Variants in DYNAP observed in about 807,000 individuals in gnomAD.
DYNAP encodes dynactin associated protein, also known as dynactin-associated protein.
In DYNAP, 7 loss-of-function variants were observed where a neutral mutation model predicts 8.5. The ratio of observed to expected loss-of-function variants is 0.82; its 90% CI spans 0.47 to 1.54. The LOEUF (loss-of-function observed/expected upper bound fraction) is 1.54. DYNAP is among the 40% of genes most tolerant of loss of function. DYNAP has a pLI of 0.01. For synonymous variants in DYNAP, 77 were observed against 77.9 expected (o/e 0.99, Z 0.06); for missense variants, 256 against 224.3 (o/e 1.14, Z -0.90).
chr18:54,588,277 C>T (rs1910951496), upstream of DYNAP, among the ~76,000 whole-genome samples: 1 of 150,836 alleles, frequency 6.6e-6, no homozygotes, highest in Admixed American at 6.6e-5. Context: ...CAGATCTCGG[C>T]TCACTGCAAC....
Position 54,591,327 on chromosome 18 carries a change from T to C in DYNAP, c.45T>C (p.Ser15=). Residue 15 remains serine, a synonymous_variant, in exon 1 of 3, where the codon TCT becomes TCC. Transcript: ENST00000648945. ...AATACATATTGAACGTTGAGCACTC[T>C]GAAAACCAGCCGGTGAGTGTCCTTG... The part of the protein sequence containing the change: ...HGKYILNVEH[S]ENQPPITHPN... 1 of 1,607,322 alleles carries C rather than the reference T, an allele frequency of 6.2e-7. No homozygotes were observed. The highest frequency in any genetic ancestry group is 8.5e-7 in the Non-Finnish European group (1 of 1,176,636).
chr18:54,593,062 G>T (rs985740385), intron 1 of DYNAP, among the ~76,000 whole-genome samples: 2 of 152,142 alleles, frequency 1.3e-5, no homozygotes, highest in African/African-American at 2.4e-5. Context: ...ATAATGAATA[G>T]TAGGTAGAAT....
chr18:54,586,582 T>C (rs1020768459), upstream of DYNAP, among the ~76,000 whole-genome samples: 1 of 152,176 alleles, frequency 6.6e-6, no homozygotes, highest in Non-Finnish European at 1.5e-5. Flanking sequence ...TGTATGATCT[T>C]GACAGTGAAT....
chr18:54,576,261 G>T, the DYNAP span, among the ~76,000 whole-genome samples: 1 of 152,124 alleles, frequency 6.6e-6, no homozygotes, highest in East Asian at 1.9e-4. Context: ...GATATATCTA[G>T]GAGTGGAATT....
chr18:54,591,724 G>C (rs1363730135), intron 1 of DYNAP, among the ~76,000 whole-genome samples: 1 of 151,988 alleles, frequency 6.6e-6, no homozygotes, highest in African/African-American at 2.4e-5. Context: ...TCAGAACTCA[G>C]ATTTCTTAAT....
chr18:54,580,863 T>A, the DYNAP span, among the ~76,000 whole-genome samples: 1 of 152,218 alleles, frequency 6.6e-6, no homozygotes, highest in African/African-American at 2.4e-5. Flanking sequence ...AGAATTGTTA[T>A]TTTATTTTGT....
upstream of DYNAP, among the ~76,000 whole-genome samples, chr18:54,588,208 T>A (rs925818098): frequency 1.3e-5 from 1 of 75,686 alleles, no homozygotes; most frequent in African/African-American, 8.3e-5. Flanking sequence ...TGGGAATAAT[T>A]TTTTTTTTTT....
intron 1 of DYNAP, among the ~76,000 whole-genome samples, chr18:54,592,068 T>C (rs183560595): frequency 6.2e-4 from 94 of 152,286 alleles, no homozygotes; most frequent in African/African-American, 2.0e-3. Context: ...TATGGAGCTG[T>C]GGTAATCAGC....
chr18:54,586,655 C>G (rs927588201), upstream of DYNAP, among the ~76,000 whole-genome samples: 3 of 152,102 alleles, frequency 2.0e-5, no homozygotes, highest in Admixed American at 6.6e-5. Flanking sequence ...GTGGTACACA[C>G]TAGACACTAA....
the DYNAP span, among the ~76,000 whole-genome samples, chr18:54,580,563 A>C: frequency 2.8e-3 from 434 of 152,316 alleles, 1 homozygote; most frequent in Non-Finnish European, 5.0e-3. Flanking sequence ...CTACTAATGA[A>C]AGTGCTAACA....
At position 54,592,370 on chromosome 18, in the gene DYNAP, TG is replaced by T. The variant is rs932716467; in HGVS notation, c.57+1032del. ...GATGTTTACAAATATTAGCTTATAT[TG>T]TTTTTTTTTACAGCATATATCTGGA... is the stretch of plus-strand genomic sequence containing the variant. On this transcript the variant is annotated intron_variant, in intron 1 of 2. Transcript: ENST00000648945. Among the ~76,000 whole-genome samples the T allele has an allele frequency of 1.1e-4, 17 of 152,212 alleles. 1 individual carries two copies. The East Asian group carries it at 2.7e-3, about 24-fold the overall frequency.
chr18:54,584,790 T>C (rs556099890), upstream of DYNAP, among the ~76,000 whole-genome samples: 6 of 152,292 alleles, frequency 3.9e-5, no homozygotes, highest in Admixed American at 2.6e-4. Flanking sequence ...TATTTAGCCA[T>C]GGGAATGTGG....
chr18:54,592,981 A>G (rs944144247), intron 1 of DYNAP, among the ~76,000 whole-genome samples: 1 of 152,198 alleles, frequency 6.6e-6, no homozygotes, highest in Non-Finnish European at 1.5e-5. Context: ...TGTAATGAAA[A>G]CAACAGGATC....
chr18:54,575,627 G>A, the DYNAP span, among the ~76,000 whole-genome samples: 1 of 151,764 alleles, frequency 6.6e-6, no homozygotes, highest in East Asian at 1.9e-4. Context: ...TTGTAGAGAC[G>A]GGGGTCTCAC....
chr18:54,582,668 A>G, the DYNAP span, among the ~76,000 whole-genome samples: 1 of 152,164 alleles, frequency 6.6e-6, no homozygotes, highest in Non-Finnish European at 1.5e-5. Context: ...GTTCTTCAAA[A>G]ATGCTGTTGT....
upstream of DYNAP, among the ~76,000 whole-genome samples, chr18:54,587,327 G>T (rs1156604252): frequency 6.6e-6 from 1 of 152,126 alleles, no homozygotes; most frequent in Non-Finnish European, 1.5e-5. Flanking sequence ...GGAGGTGGGA[G>T]GGTTGCTTGA....
chr18:54,596,485 G>T (rs1911294967), intron 2 of DYNAP, among the ~76,000 whole-genome samples: 1 of 152,108 alleles, frequency 6.6e-6, no homozygotes. Context: ...TCTGGGGGGT[G>T]GGGCCCATAC....
Position 54,595,118 on chromosome 18 carries a change from G to A in DYNAP, c.222+15G>A, listed in dbSNP as rs114317570. The stretch of plus-strand genomic sequence containing the variant: ...GTAACACACAGGTAATGTGTAGCAC[G>A]GGAGCTTTTATTCAAGTTGGGATGT... On this transcript the variant is annotated intron_variant, in intron 2 of 2. Transcript: ENST00000648945. 3.0e-3 allele frequency: 4,849 copies of A among 1,600,422 alleles called. 217 individuals are homozygous for A. In the Admixed American group the frequency reaches 0.07, roughly 23 times the overall value.
chr18:54,593,607 C>G (rs1911169477), intron 1 of DYNAP, among the ~76,000 whole-genome samples: 1 of 152,070 alleles, frequency 6.6e-6, no homozygotes. Flanking sequence ...AGCCTTAGAT[C>G]ATTCTACATT....
Sources: allele counts gnomAD v4.1 joint callset (sites outside exome capture counted in the v4.1 genomes callset), GRCh38; gene constraint gnomAD v4.1.1; transcripts MANE v1.5; gene names NCBI Gene and HGNC (gene_info 2026-07-23, HGNC 2026-07-21).